The following MYO18B variants were observed in gnomAD, a reference collection of about 807,000 sequenced individuals.
MYO18B encodes myosin XVIIIB, also known as unconventional myosin-XVIIIb.
MYO18B carries 204 observed loss-of-function variants against 273.0 expected under a neutral mutation model. The observed-to-expected ratio is 0.75, with a 90% CI of 0.67 to 0.84. MYO18B has a LOEUF of 0.84. Among genes scored for constraint, MYO18B ranks in the 40% least tolerant of loss-of-function variants. The probability of loss-of-function intolerance (pLI) is 0.00; values close to 1 mark genes in which losing one functional copy is unlikely to be tolerated. For missense variants in MYO18B, 3,212 were observed against 3,287.6 expected (o/e 0.98, Z 0.56); for synonymous variants, 1,330 against 1,305.7 (o/e 1.02, Z -0.40).
intron 39 of MYO18B, among the ~76,000 whole-genome samples, chr22:25,975,714 C>T (rs186914281): frequency 1.1e-4 from 17 of 152,246 alleles, no homozygotes; most frequent in East Asian, 3.9e-4. Flanking sequence ...ACAGATCACC[C>T]GGGGATATTG....
At chr22:25,775,078 T>C (rs2086866353) in intron 7 of MYO18B, among the ~76,000 whole-genome samples, 2 of 152,366 alleles carry the variant, frequency 1.3e-5, no homozygotes, top group Non-Finnish European at 2.9e-5. Flanking sequence ...GCAGTGGGCC[T>C]GAGCAGGCTG....
chr22:25,866,058 C>G (rs1232925649), intron 21 of MYO18B, among the ~76,000 whole-genome samples: 4 of 151,880 alleles, frequency 2.6e-5, no homozygotes, highest in African/African-American at 9.7e-5. Flanking sequence ...CAGTCTGGGA[C>G]TAGACTATTA....
At chr22:25,897,571 G>A (rs2091836796) in intron 28 of MYO18B, 1 of 152,144 alleles carries the variant, frequency 6.6e-6, no homozygotes. Flanking sequence ...TAATAAAACA[G>A]CAACCTTTTC....
chr22:25,822,495 G>A (rs2089320024), intron 12 of MYO18B, among the ~76,000 whole-genome samples: 1 of 152,288 alleles, frequency 6.6e-6, no homozygotes, highest in South Asian at 2.1e-4. Flanking sequence ...AGCTCCATGA[G>A]GACAGGCACC....
chr22:26,012,977 ACCT>A (rs766464763), intron 42 of MYO18B, among the ~76,000 whole-genome samples: 10 of 152,018 alleles, frequency 6.6e-5, no homozygotes, highest in Non-Finnish European at 1.3e-4. Flanking sequence ...TCAAGCCACC[ACCT>A]CCTCCTTCCT....
intron 12 of MYO18B, 79 bp from the exon 13 acceptor site, chr22:25,823,426 T>C (rs1397289116): frequency 3.5e-6 from 5 of 1,448,800 alleles, no homozygotes; most frequent in Non-Finnish European, 3.7e-6. Context: ...GTGCTGAGAT[T>C]CTCCGAGGTC....
chr22:25,995,369 T>C (rs1351178736), intron 40 of MYO18B, among the ~76,000 whole-genome samples: 1 of 152,170 alleles, frequency 6.6e-6, no homozygotes, highest in East Asian at 1.9e-4. Context: ...GATAATTTCA[T>C]TGTACATTAA....
intron 36 of MYO18B, among the ~76,000 whole-genome samples, chr22:25,948,464 T>C: frequency 2.3e-5 from 3 of 128,120 alleles, no homozygotes; most frequent in African/African-American, 9.4e-5. Flanking sequence ...CCTTCCTTCT[T>C]TCTTTCTTTC....
At chr22:25,961,146 C>T (rs1418418830) in intron 39 of MYO18B, among the ~76,000 whole-genome samples, 1 of 151,582 alleles carries the variant, frequency 6.6e-6, no homozygotes, top group Non-Finnish European at 1.5e-5. Context: ...TGCTTGAGCC[C>T]AGGAGTTCAA....
rs1413150038 is a variant in MYO18B at position 25,768,781 on chromosome 22, C to T, written c.865C>T (p.Pro289Ser). The T allele has an allele frequency of 1.9e-6, 3 of 1,608,710 alleles. No individual in the cohort carries two copies. The highest frequency in any genetic ancestry group is 1.3e-5 in the African/African-American group (1 of 74,820). ...GAAAGCAGAGAAGGAGGGAGCAGAG[C>T]CCACAAACACGGTGGAAAAGGGGAA... ...PGKAEKEGAEPTNTVEKGNVS... is the reference protein window; with the variant it reads ...PGKAEKEGAESTNTVEKGNVS... Residue 289 changes from proline (P) to serine (S), a missense_variant, in exon 4 of 44, where the codon CCC becomes TCC. Physicochemically the swap from Pro to Ser is moderately conservative, Grantham distance 74. Coordinates refer to ENST00000335473, the MANE Select transcript of MYO18B (RefSeq NM_032608.7).
chr22:26,051,554 G>A, the MYO18B span, among the ~76,000 whole-genome samples: 9 of 152,166 alleles, frequency 5.9e-5, no homozygotes, highest in East Asian at 1.5e-3. Flanking sequence ...TTGAATCCAA[G>A]TCTGTCTCCA....
At position 25,947,701 on chromosome 22, in the gene MYO18B, G is replaced by A; in HGVS notation, c.5632-11G>A. ...CTCACCTTGCCTTGACCACTGATCT[G>A]CCTCCCCCAGGTGGATGAGCAGCTG... On this transcript the variant is annotated splice_polypyrimidine_tract_variant and intron_variant, in intron 35 of 43. Coordinates refer to ENST00000335473, the MANE Select transcript of MYO18B (RefSeq NM_032608.7). 1.9e-6 allele frequency: 3 copies of A among 1,610,204 alleles called. No individual in the cohort carries two copies. Among genetic ancestry groups the A allele is most frequent in the Non-Finnish European group, 2.5e-6 (3 of 1,177,802 alleles).
intron 39 of MYO18B, among the ~76,000 whole-genome samples, chr22:25,984,514 G>T (rs1241993724): frequency 6.6e-6 from 1 of 152,200 alleles, no homozygotes; most frequent in East Asian, 1.9e-4. Context: ...CAGAGGCTGG[G>T]TACGGTGGCT....
At chr22:26,041,252 C>T in the MYO18B span, among the ~76,000 whole-genome samples, 2 of 150,018 alleles carry the variant, frequency 1.3e-5, no homozygotes, top group Admixed American at 6.7e-5. Flanking sequence ...AGATTGGTCA[C>T]GCCTGTAATC....
rs755068887 is a variant in MYO18B at position 25,955,288 on chromosome 22, G to A, written c.6080G>A (p.Arg2027His). 2.1e-5 allele frequency: 34 copies of A among 1,613,698 alleles called. No individual in the cohort carries two copies. Among genetic ancestry groups the A allele is most frequent in the South Asian group, 2.1e-4 (19 of 91,048 alleles). Residue 2027 changes from arginine to histidine, a missense_variant, in exon 39 of 44, where the codon CGC becomes CAC. Arg to His is a conservative substitution (Grantham distance 29). Coordinates refer to ENST00000335473, the MANE Select transcript of MYO18B (RefSeq NM_032608.7). ...GAGAGCAGCCAGTACTACCAGCGGCGCCTGGAAGAGCTGAAGGCCGACATG... is the reference window on the plus strand; with the variant it reads ...GAGAGCAGCCAGTACTACCAGCGGCACCTGGAAGAGCTGAAGGCCGACATG... ...QRESSQYYQR[R>H]LEELKADMEE...
rs1471461611 is a variant in MYO18B at position 25,902,727 on chromosome 22, G to A, written c.4938G>A (p.Gln1646=). The change falls in exon 30 of 44, where the codon CAG becomes CAA. Residue 1646 remains glutamine (Q), a synonymous_variant. Coordinates refer to ENST00000335473, the MANE Select transcript of MYO18B (RefSeq NM_032608.7). ...SVRWELGQLQ[Q]QLKQKEQEAS... ...GGTGGGAGCTAGGCCAGCTTCAGCA[G>A]CAGCTGAAGGTAAGGGATGGGGGAC... is the stretch of plus-strand genomic sequence containing the variant. 4 of 1,582,790 alleles carry A rather than the reference G, an allele frequency of 2.5e-6. No homozygotes were observed. The Admixed American group carries it at 7.2e-5, about 28-fold the overall frequency.
chr22:25,787,928 G>GGAAAACA (rs2087472591), intron 11 of MYO18B, among the ~76,000 whole-genome samples: 1 of 152,150 alleles, frequency 6.6e-6, no homozygotes, highest in South Asian at 2.1e-4. Flanking sequence ...ATCAGCAGAA[G>GGAAAACA]AGTAGTTGTT....
intron 39 of MYO18B, among the ~76,000 whole-genome samples, chr22:25,974,579 C>A (rs2093068928): frequency 6.6e-6 from 1 of 152,206 alleles, no homozygotes; most frequent in African/African-American, 2.4e-5. Context: ...CTGTCTCAAC[C>A]TCCGAAGTCT....
intron 21 of MYO18B, among the ~76,000 whole-genome samples, chr22:25,860,350 T>TATTGATTTCCACTCTATGTTGTCTTCC (rs2090694897): frequency 6.6e-6 from 1 of 152,224 alleles, no homozygotes; most frequent in Non-Finnish European, 1.5e-5. Context: ...TATTGTCTTC[T>TATTGATTTCCACTCTATGTTGTCTTCC]ATTGATTTCC....
Sources: gnomAD v4.1 joint callset for allele counts (sites outside exome capture counted in the v4.1 genomes callset) on GRCh38, gnomAD v4.1.1 for gene constraint, MANE v1.5 for transcripts, NCBI Gene and HGNC (gene_info 2026-07-23, HGNC 2026-07-21) for gene names.